KIAA1217: variants seen among roughly 807,000 people sequenced by gnomAD.
KIAA1217 encodes the protein KIAA1217.
KIAA1217 carries 88 observed loss-of-function variants against 163.9 expected under a neutral mutation model. That is an observed-to-expected ratio of 0.54 (90% CI 0.45 to 0.64). The LOEUF is 0.64. KIAA1217 is among the 30% of genes least tolerant of loss of function. KIAA1217 has a pLI of 0.00. For missense variants in KIAA1217, 2,372 were observed against 2,475.0 expected (o/e 0.96, Z 0.88); for synonymous variants, 903 against 923.1 (o/e 0.98, Z 0.39).
At position 24,532,548 on chromosome 10, in the gene KIAA1217, C is replaced by T. The variant is rs146953537; in HGVS notation, c.3247-522C>T. On this transcript the variant is annotated intron_variant, in intron 15 of 20. Coordinates refer to ENST00000376454, the MANE Select transcript of KIAA1217 (RefSeq NM_019590.5). ...GAAGAGATTTAATGGACTCACAGTT[C>T]CATGTGGCTGGGGAGGTCTCACAAT... 8.0e-3 allele frequency among the ~76,000 whole-genome samples: 1,218 copies of T among 152,252 alleles called. 12 individuals carry two copies. Among genetic ancestry groups the T allele is most frequent in the African/African-American group, 0.028 (1,150 of 41,550 alleles).
chr10:24,421,059 C>A (rs1234561489), intron 3 of KIAA1217, among the ~76,000 whole-genome samples: 1 of 152,124 alleles, frequency 6.6e-6, no homozygotes, highest in Non-Finnish European at 1.5e-5. Flanking sequence ...GGCTGGAGTG[C>A]AATGGTGTGA....
intron 2 of KIAA1217, among the ~76,000 whole-genome samples, chr10:24,119,542 A>G (rs549296847): frequency 1.6e-4 from 24 of 152,334 alleles, no homozygotes; most frequent in Middle Eastern, 3.4e-3. Flanking sequence ...AGGCTGAGCT[A>G]CAGCTGTGTG....
chr10:24,163,148 A>G (rs2065193923), intron 2 of KIAA1217, among the ~76,000 whole-genome samples: 1 of 152,198 alleles, frequency 6.6e-6, no homozygotes, highest in East Asian at 1.9e-4. Context: ...TAACAGTGCT[A>G]AGAACACAGT....
intron 2 of KIAA1217, among the ~76,000 whole-genome samples, chr10:24,058,243 A>T (rs890954883): frequency 6.6e-6 from 1 of 152,052 alleles, no homozygotes; most frequent in African/African-American, 2.4e-5. Context: ...GTTCTGTACC[A>T]TTTGTCTATA....
chr10:24,497,705 G>T (rs2066976328), intron 8 of KIAA1217, among the ~76,000 whole-genome samples: 1 of 148,796 alleles, frequency 6.7e-6, no homozygotes, highest in Non-Finnish European at 1.5e-5. Flanking sequence ...GAGTGACAGA[G>T]CAAGACCTTG....
chr10:23,913,084 C>T (rs978578480), intron 1 of KIAA1217, among the ~76,000 whole-genome samples: 1 of 152,174 alleles, frequency 6.6e-6, no homozygotes, highest in Non-Finnish European at 1.5e-5. Context: ...GAACAAAGGT[C>T]ACCCTGCGGG....
At chr10:24,534,715 A>C (rs2073706450) in intron 16 of KIAA1217, among the ~76,000 whole-genome samples, 1 of 151,702 alleles carries the variant, frequency 6.6e-6, no homozygotes, top group Non-Finnish European at 1.5e-5. Context: ...CCCCATCTCT[A>C]CTAAAAACTA....
rs142819267 is a variant in KIAA1217 at position 24,106,886 on chromosome 10, T to C, written c.-171+99512T>C. Among the ~76,000 whole-genome samples the C allele has an allele frequency of 6.0e-3, 915 of 152,346 alleles. 5 individuals carry two copies. Among genetic ancestry groups the C allele is most frequent in the East Asian group, 0.029 (150 of 5,180 alleles). On this transcript the variant is annotated intron_variant, in intron 2 of 18. Transcript: ENST00000376462. Reference sequence around the variant, plus strand: ...TGGTTGGTTGGTTGGTTTTGTTTTTTCTTTCCAACTTTTAGGTTCAGGGGT... The same window carrying C: ...TGGTTGGTTGGTTGGTTTTGTTTTTCCTTTCCAACTTTTAGGTTCAGGGGT...
At chr10:23,730,005 C>A (rs1838386569) in intron 1 of KIAA1217, among the ~76,000 whole-genome samples, 1 of 152,040 alleles carries the variant, frequency 6.6e-6, no homozygotes, top group Non-Finnish European at 1.5e-5. Flanking sequence ...AGGTTCACAC[C>A]ATTGTCCTGC....
intron 1 of KIAA1217, among the ~76,000 whole-genome samples, chr10:23,757,969 G>A (rs4748911): frequency 0.042 from 6,377 of 152,186 alleles, 226 homozygotes; most frequent in African/African-American, 0.092. Context: ...TTAAATAGAC[G>A]TATGATTTGC....
At chr10:23,932,734 A>G (rs1843308551) in intron 1 of KIAA1217, among the ~76,000 whole-genome samples, 1 of 152,212 alleles carries the variant, frequency 6.6e-6, no homozygotes, top group African/African-American at 2.4e-5. Context: ...ATCTCTTTTC[A>G]AAGTAGCCAA....
chr10:23,818,128 C>A (rs1257090707), intron 1 of KIAA1217, among the ~76,000 whole-genome samples: 1 of 142,754 alleles, frequency 7.0e-6, no homozygotes, highest in Non-Finnish European at 1.5e-5. Flanking sequence ...TATATACTCA[C>A]ACACACATAA....
At chr10:24,488,861 G>A (rs2065740009) in intron 6 of KIAA1217, among the ~76,000 whole-genome samples, 1 of 152,144 alleles carries the variant, frequency 6.6e-6, no homozygotes. Context: ...TTTTAGTTCA[G>A]GTAGATTGCT....
At chr10:24,404,506 G>T (rs556043609) in intron 3 of KIAA1217, among the ~76,000 whole-genome samples, 1 of 142,488 alleles carries the variant, frequency 7.0e-6, no homozygotes, top group East Asian at 2.1e-4. Context: ...GGCAGAGGTT[G>T]CAGTGAGCTG....
At chr10:24,520,651 A>AATATATATAT (rs71472811) in intron 11 of KIAA1217, among the ~76,000 whole-genome samples, 50 of 39,644 alleles carry the variant, frequency 1.3e-3, no homozygotes, top group Non-Finnish European at 1.9e-3. Context: ...AAAAAAAAAA[A>AATATATATAT]ATATATATAT....
intron 5 of KIAA1217, among the ~76,000 whole-genome samples, chr10:24,444,581 G>A (rs1011878675): frequency 1.4e-4 from 21 of 152,202 alleles, no homozygotes; most frequent in Non-Finnish European, 3.1e-4. Context: ...AACCCCTGGT[G>A]AGTGCAGAGT....
chr10:23,919,935 A>G (rs1019526740), intron 1 of KIAA1217, among the ~76,000 whole-genome samples: 1 of 152,052 alleles, frequency 6.6e-6, no homozygotes, highest in African/African-American at 2.4e-5. Flanking sequence ...TTGACATCTC[A>G]GACACAATTT....
chr10:24,050,028 T>A (rs1469701842), intron 2 of KIAA1217, among the ~76,000 whole-genome samples: 4 of 152,242 alleles, frequency 2.6e-5, no homozygotes, highest in Non-Finnish European at 5.9e-5. Context: ...TATCTCATTG[T>A]GGTTTTGATT....
At chr10:24,367,050 A>G (rs1298426266) in intron 2 of KIAA1217, 2 of 472,552 alleles carry the variant, frequency 4.2e-6, no homozygotes, top group Middle Eastern at 1.0e-3. Flanking sequence ...TGGTCAACCT[A>G]TTCTTTTTCT....
Sources: gnomAD v4.1 joint callset for allele counts (sites outside exome capture counted in the v4.1 genomes callset) on GRCh38, gnomAD v4.1.1 for gene constraint, MANE v1.5 for transcripts, NCBI Gene and HGNC (gene_info 2026-07-23, HGNC 2026-07-21) for gene names.